The following SLC16A9 variants were observed in gnomAD, a reference collection of about 807,000 sequenced individuals.
SLC16A9 encodes the protein solute carrier family 16 member 9.
A neutral mutation model predicts 44.3 loss-of-function variants in SLC16A9; 26 were observed. The observed-to-expected ratio is 0.59, with a 90% CI of 0.43 to 0.81. SLC16A9 has a LOEUF of 0.81. Ranked by LOEUF, SLC16A9 falls within the 40% of genes least tolerant of loss-of-function variation. The pLI, the probability that SLC16A9 is intolerant of heterozygous loss-of-function variation, is 0.00. For synonymous variants in SLC16A9, 230 were observed against 225.1 expected (o/e 1.02, Z -0.19); for missense variants, 559 against 595.8 (o/e 0.94, Z 0.64).
At chr10:59,675,182 C>T (rs984985487) in intron 2 of SLC16A9, among the ~76,000 whole-genome samples, 3 of 152,096 alleles carry the variant, frequency 2.0e-5, no homozygotes, top group Non-Finnish European at 4.4e-5. Context: ...TGAAAACGGT[C>T]TAAACACCTC....
chr10:59,661,792 G>A (rs1350014453), intron 4 of SLC16A9, among the ~76,000 whole-genome samples: 3 of 120,862 alleles, frequency 2.5e-5, no homozygotes, highest in East Asian at 5.1e-4. Context: ...CAGAGATATA[G>A]ACCAATAGAA....
intron 1 of SLC16A9, among the ~76,000 whole-genome samples, chr10:59,692,044 C>T (rs896959760): frequency 6.6e-6 from 1 of 152,202 alleles, no homozygotes; most frequent in Non-Finnish European, 1.5e-5. Context: ...ATAAACATCT[C>T]CTTAAAGATT....
intron 2 of SLC16A9, among the ~76,000 whole-genome samples, chr10:59,680,253 TAGGAATTA>T (rs1839958696): frequency 6.6e-6 from 1 of 152,198 alleles, no homozygotes; most frequent in South Asian, 2.1e-4. Context: ...GAAAAGGAAT[TAGGAATTA>T]AGATTATAAA....
rs1236019694 is a variant in SLC16A9, at chr10:59,709,490, C to G, written c.-48G>C. ...CTCCAGCCCTTTACCTGAGTCCCGGCCTCGGCGGGGCCTCCGGTGCTCAGC... is the reference window on the plus strand; with the variant it reads ...CTCCAGCCCTTTACCTGAGTCCCGGGCTCGGCGGGGCCTCCGGTGCTCAGC... On this transcript the variant is annotated 5_prime_UTR_variant, in exon 1 of 6. Coordinates refer to ENST00000395348, the MANE Select transcript of SLC16A9 (RefSeq NM_194298.3). The G allele has an allele frequency of 6.6e-6, 1 of 152,406 alleles. No individual in the cohort carries two copies. Among genetic ancestry groups the G allele is most frequent in the Admixed American group, 6.5e-5 (1 of 15,294 alleles). The allele number at this position is 152,406 out of a possible 1,614,324, so 9.4% of individuals were successfully genotyped here.
intron 2 of SLC16A9, among the ~76,000 whole-genome samples, chr10:59,678,010 A>G (rs1321538328): frequency 6.7e-6 from 1 of 148,852 alleles, no homozygotes; most frequent in Admixed American, 6.7e-5. Flanking sequence ...AGCATTAGGT[A>G]TATCTCCCAA....
chr10:59,652,194 G>C lies in SLC16A9; in HGVS notation c.*578C>G, dbSNP rs1839217692. Reference sequence around the variant, plus strand: ...GAGGTAAATAGAATAATGAAAACTGGTGACTGTAGGTTAAAATATATTTTT... The same window carrying C: ...GAGGTAAATAGAATAATGAAAACTGCTGACTGTAGGTTAAAATATATTTTT... On this transcript the variant is annotated 3_prime_UTR_variant, in exon 6 of 6. Coordinates refer to ENST00000395348, the MANE Select transcript of SLC16A9 (RefSeq NM_194298.3). 1 of 152,176 alleles carries C rather than the reference G, an allele frequency of 6.6e-6. No homozygotes were observed. The highest frequency in any genetic ancestry group is 2.4e-5 in the African/African-American group (1 of 41,424). 9.4% of individuals were successfully genotyped at this position (152,176 alleles called of 1,614,324 possible).
chr10:59,678,561 G>T (rs1174462061), intron 2 of SLC16A9, among the ~76,000 whole-genome samples: 2 of 3,236 alleles, frequency 6.2e-4, no homozygotes, highest in Non-Finnish European at 3.9e-3. Context: ...TTTTGAGACG[G>T]AGTCTCGCTC....
At chr10:59,667,154 G>A (rs1432316023) in intron 3 of SLC16A9, among the ~76,000 whole-genome samples, 2 of 152,204 alleles carry the variant, frequency 1.3e-5, no homozygotes, top group African/African-American at 4.8e-5. Context: ...CTATAACAGA[G>A]TATGAAAAGT....
rs1839851992 is a variant in SLC16A9, at chr10:59,676,060, G to GA, written c.197-3148dup. On this transcript the variant is annotated intron_variant, in intron 2 of 5. Coordinates refer to ENST00000395348, the MANE Select transcript of SLC16A9 (RefSeq NM_194298.3). ...GGAAGCAAGGATCAAGTCTGATGCA[G>GA]ACCTGTATGGATTCACCACTGGTAA... 2.0e-5 allele frequency among the ~76,000 whole-genome samples: 3 copies of GA among 152,330 alleles called. No homozygotes were observed. The South Asian group carries it at 6.2e-4, about 32-fold the overall frequency.
chr10:59,703,031 TA>T (rs1420411507), intron 1 of SLC16A9, among the ~76,000 whole-genome samples: 7 of 152,228 alleles, frequency 4.6e-5, no homozygotes, highest in Admixed American at 3.3e-4. Flanking sequence ...GAACAGGAAG[TA>T]AAATATTTAG....
chr10:59,662,974 T>C (rs868143114), intron 4 of SLC16A9, among the ~76,000 whole-genome samples: 1 of 152,184 alleles, frequency 6.6e-6, no homozygotes, highest in African/African-American at 2.4e-5. Flanking sequence ...TAAAGACACA[T>C]GCACATGTAT....
chr10:59,691,092 ATAAG>A (rs1026807040), intron 1 of SLC16A9, among the ~76,000 whole-genome samples: 11 of 152,350 alleles, frequency 7.2e-5, no homozygotes, highest in Admixed American at 5.2e-4. Flanking sequence ...CTCTAAATAA[ATAAG>A]TAAGTAAATA....
chr10:59,692,220 T>C (rs35081622), intron 1 of SLC16A9, among the ~76,000 whole-genome samples: 19,733 of 152,258 alleles, frequency 0.13, 1,365 homozygotes, highest in Non-Finnish European at 0.14. Context: ...TGATTTTGCC[T>C]TGATCTAGTT....
At chr10:59,669,923 A>T (rs1378075367) in intron 3 of SLC16A9, among the ~76,000 whole-genome samples, 1 of 152,246 alleles carries the variant, frequency 6.6e-6, no homozygotes, top group Non-Finnish European at 1.5e-5. Context: ...ACAGGTTTTC[A>T]TTTGAGCTAC....
At chr10:59,697,507 G>A (rs1840421992) in intron 1 of SLC16A9, among the ~76,000 whole-genome samples, 2 of 151,504 alleles carry the variant, frequency 1.3e-5, no homozygotes. Context: ...TGCAAGATGT[G>A]CTTTGTTAAA....
chr10:59,688,953 A>G (rs1840195106), intron 1 of SLC16A9, among the ~76,000 whole-genome samples: 1 of 151,974 alleles, frequency 6.6e-6, no homozygotes, highest in African/African-American at 2.4e-5. Context: ...TTTCTACACC[A>G]CACACCTCCG....
intron 2 of SLC16A9, among the ~76,000 whole-genome samples, chr10:59,681,824 TATGTATATGTATATG>T (rs1293106993): frequency 0.039 from 1,804 of 46,394 alleles, 336 homozygotes; most frequent in South Asian, 0.17. Context: ...ATATGATGTA[TATGTATATGTATATG>T]ATGTATATGT....
At chr10:59,708,039 G>A (rs760836572) in intron 1 of SLC16A9, among the ~76,000 whole-genome samples, 1 of 152,176 alleles carries the variant, frequency 6.6e-6, no homozygotes, top group Non-Finnish European at 1.5e-5. Flanking sequence ...GAAACCAGTA[G>A]GGATGTTATT....
intron 2 of SLC16A9, 85 bp downstream of exon 2, chr10:59,684,011 C>G: frequency 3.7e-6 from 4 of 1,095,880 alleles, no homozygotes; most frequent in Non-Finnish European, 5.1e-6. Context: ...AAAGAAAGCC[C>G]TCTCTGCCTT....
Sources: allele counts gnomAD v4.1 joint callset (sites outside exome capture counted in the v4.1 genomes callset), GRCh38; gene constraint gnomAD v4.1.1; transcripts MANE v1.5; gene names NCBI Gene and HGNC (gene_info 2026-07-23, HGNC 2026-07-21).